The following SNF8 variants were observed in gnomAD, a reference collection of about 807,000 sequenced individuals.
SNF8 encodes vacuolar-sorting protein SNF8.
In SNF8, 19 loss-of-function variants were observed where a neutral mutation model predicts 36.8. The ratio of observed to expected loss-of-function variants is 0.52; its 90% CI spans 0.36 to 0.76. The LOEUF (loss-of-function observed/expected upper bound fraction) is 0.76, where lower values mean the gene tolerates loss of function less well. Among genes scored for constraint, SNF8 ranks in the 30% least tolerant of loss-of-function variants. The pLI is 0.00. For missense variants in SNF8, 268 were observed against 322.9 expected (o/e 0.83, Z 1.30); for synonymous variants, 127 against 127.4 (o/e 1.00, Z 0.02).
chr17:48,933,767 G>A (rs1024224105), intron 5 of SNF8, among the ~76,000 whole-genome samples: 4 of 152,114 alleles, frequency 2.6e-5, no homozygotes, highest in Admixed American at 1.3e-4. Context: ...ACTCAACTAC[G>A]TCAGTAAAAA....
intron 5 of SNF8, chr17:48,935,868 ATAATCCCAACTACT>A: frequency 3.8e-6 from 1 of 266,370 alleles, no homozygotes; most frequent in East Asian, 7.7e-5. Context: ...GCCCATGCCT[ATAATCCCAACTACT>A]TGGGAGGCTG....
intron 2 of SNF8, among the ~76,000 whole-genome samples, chr17:48,943,162 G>A (rs994621947): frequency 6.7e-6 from 1 of 150,172 alleles, no homozygotes; most frequent in Non-Finnish European, 1.5e-5. Flanking sequence ...CACAGCACCC[G>A]GCTCTCAATT....
intron 5 of SNF8, among the ~76,000 whole-genome samples, chr17:48,935,197 C>T (rs2040916703): frequency 2.0e-5 from 3 of 152,130 alleles, no homozygotes; most frequent in South Asian, 4.2e-4. Flanking sequence ...AACGTGAAAC[C>T]CCATCACTAC....
intron 2 of SNF8, among the ~76,000 whole-genome samples, chr17:48,942,970 A>C (rs963135438): frequency 1.3e-5 from 2 of 149,040 alleles, no homozygotes; most frequent in African/African-American, 5.0e-5. Context: ...GGTTCATGCA[A>C]TTCTCCTACC....
At chr17:48,944,427 AAGGAGTAGAATCG>A (rs2041074988) in intron 1 of SNF8, among the ~76,000 whole-genome samples, 2 of 152,186 alleles carry the variant, frequency 1.3e-5, no homozygotes, top group African/African-American at 2.4e-5. Context: ...GGATAGGGTG[AAGGAGTAGAATCG>A]ACGACTGTAG....
intron 2 of SNF8, 85 bp downstream of exon 2, chr17:48,943,840 C>A: frequency 8.1e-7 from 1 of 1,240,540 alleles, no homozygotes. Flanking sequence ...CTAGTTCAAT[C>A]TACACAATCA....
chr17:48,941,508 C>T (rs573739737), intron 2 of SNF8, among the ~76,000 whole-genome samples: 1 of 151,812 alleles, frequency 6.6e-6, no homozygotes, highest in South Asian at 2.1e-4. Context: ...AAATCTTTAC[C>T]CCCCCCAGCC....
chr17:48,930,235 A>C lies in SNF8; in HGVS notation c.*240T>G. The C allele has an allele frequency of 5.8e-6, 2 of 344,130 alleles. No homozygotes were observed. 21.3% of individuals were successfully genotyped at this position (344,130 alleles called of 1,614,324 possible). ...TCTTCCATGAACTTGCAGATGACCT[A>C]CAAAAATCATTTTATATGTGCTTGC... On this transcript the variant is annotated 3_prime_UTR_variant, in exon 8 of 8. Transcript: ENST00000502492.
chr17:48,933,826 C>T (rs1395320163), intron 5 of SNF8, among the ~76,000 whole-genome samples: 1 of 152,198 alleles, frequency 6.6e-6, no homozygotes, highest in African/African-American at 2.4e-5. Flanking sequence ...ATGGGAGATA[C>T]ACAGGAGTCA....
At chr17:48,932,878 T>A (rs1445354445) in intron 6 of SNF8, 1 of 232,734 alleles carries the variant, frequency 4.3e-6, no homozygotes. Context: ...TTTTGAAGAA[T>A]CCATAAAGTA....
chr17:48,940,332 C>G (rs915752833), intron 3 of SNF8, among the ~76,000 whole-genome samples: 4 of 151,770 alleles, frequency 2.6e-5, no homozygotes, highest in Admixed American at 1.3e-4. Context: ...TGAGCCATTG[C>G]ACCTGGCCAA....
chr17:48,930,277 C>A lies in SNF8; in HGVS notation c.*198G>T. The A allele has an allele frequency of 2.0e-6, 1 of 500,898 alleles. No individual in the cohort carries two copies. Among genetic ancestry groups the A allele is most frequent in the South Asian group, 3.8e-5 (1 of 26,390 alleles). The allele number at this position is 500,898 out of a possible 1,614,324, so 31.0% of individuals were successfully genotyped here. On this transcript the variant is annotated 3_prime_UTR_variant, in exon 8 of 8. Coordinates refer to ENST00000502492, the MANE Select transcript of SNF8 (RefSeq NM_007241.4). Reference sequence around the variant, plus strand: ...TGTGCTTGCCGTTCTCTGTGTTAATCAGATTATGCTTACTGAACGAGCGAG... The same window carrying A: ...TGTGCTTGCCGTTCTCTGTGTTAATAAGATTATGCTTACTGAACGAGCGAG...
chr17:48,941,399 ATTCC>A (rs918362498), intron 2 of SNF8, among the ~76,000 whole-genome samples: 3 of 152,192 alleles, frequency 2.0e-5, no homozygotes, highest in African/African-American at 7.2e-5. Flanking sequence ...ATAATGTGGT[ATTCC>A]TTTTCTTTTT....
chr17:48,940,707 G>A (rs9911030), intron 3 of SNF8, among the ~76,000 whole-genome samples: 41,713 of 151,894 alleles, frequency 0.27, 6,020 homozygotes, highest in Admixed American at 0.41. Context: ...GGAGAATGGC[G>A]TGAACCCGGG....
At chr17:48,938,890 A>T (rs2040978760) in intron 3 of SNF8, among the ~76,000 whole-genome samples, 1 of 151,534 alleles carries the variant, frequency 6.6e-6, no homozygotes, top group South Asian at 2.1e-4. Context: ...AAAAAAAAGC[A>T]GTAAATTATA....
intron 3 of SNF8, among the ~76,000 whole-genome samples, chr17:48,938,325 C>T (rs924413471): frequency 1.5e-4 from 23 of 150,660 alleles, no homozygotes; most frequent in African/African-American, 4.9e-4. Context: ...GGAGACACCC[C>T]GTCTCTACTA....
chr17:48,941,105 T>C (rs774114353), intron 2 of SNF8, 43 bp from the exon 3 acceptor site: 59 of 1,601,486 alleles, frequency 3.7e-5, no homozygotes, highest in Admixed American at 6.7e-5. Context: ...CCCAGCCAAA[T>C]GATAATCAGA....
intron 1 of SNF8, among the ~76,000 whole-genome samples, chr17:48,944,343 G>A (rs2041073864): frequency 6.6e-6 from 1 of 152,228 alleles, no homozygotes. Flanking sequence ...TGGGCGCTGG[G>A]TTCCCCCATT....
chr17:48,939,592 T>A (rs1264454719), intron 3 of SNF8, among the ~76,000 whole-genome samples: 3 of 150,932 alleles, frequency 2.0e-5, no homozygotes, highest in Non-Finnish European at 2.9e-5. Context: ...CCCGAGTAGC[T>A]GGGATTACAG....
Sources: allele counts gnomAD v4.1 joint callset (sites outside exome capture counted in the v4.1 genomes callset), GRCh38; gene constraint gnomAD v4.1.1; transcripts MANE v1.5; gene names NCBI Gene and HGNC (gene_info 2026-07-23, HGNC 2026-07-21).